Variants in NRAP observed in about 807,000 individuals in gnomAD.
The protein encoded by NRAP is nebulin related anchoring protein.
NRAP carries 189 observed loss-of-function variants against 225.9 expected under a neutral mutation model. That is an observed-to-expected ratio of 0.84 (90% CI 0.74 to 0.94). NRAP has a LOEUF of 0.94. Among genes scored for constraint, NRAP ranks in the 40% least tolerant of loss-of-function variants. The pLI, the probability that NRAP is intolerant of heterozygous loss-of-function variation, is 0.00. For missense variants in NRAP, 2,176 were observed against 2,168.7 expected (o/e 1.00, Z -0.07); for synonymous variants, 769 against 790.7 (o/e 0.97, Z 0.46).
chr10:113,624,299 T>C (rs1383641728), intron 22 of NRAP, among the ~76,000 whole-genome samples: 2 of 152,178 alleles, frequency 1.3e-5, no homozygotes, highest in Non-Finnish European at 2.9e-5. Context: ...GTTGGAACTA[T>C]GGATGCTTTC....
intron 7 of NRAP, among the ~76,000 whole-genome samples, chr10:113,650,797 C>T (rs1159423547): frequency 2.0e-5 from 3 of 152,220 alleles, no homozygotes; most frequent in African/African-American, 7.2e-5. Context: ...TGGTGTGGGC[C>T]AGGCACTGGG....
At chr10:113,628,867 G>T in intron 20 of NRAP, 50 bp downstream of exon 20, 1 of 952,718 alleles carries the variant, frequency 1.0e-6, no homozygotes, top group Non-Finnish European at 1.6e-6. Flanking sequence ...CACCCTGCAT[G>T]TGTCAGGGGC....
Position 113,657,572 on chromosome 10 carries a change from G to T in NRAP, c.258C>A (p.Ile86=). The stretch of plus-strand genomic sequence containing the variant: ...ACTGTTCACCATCTTCTTGGTCATG[G>T]ATCTGCTCAAGGAAGATGTTGTCAG... ...VRTFPEAISG[I]HDQEDGEQCK... Residue 86 remains isoleucine (I), a splice_region_variant and synonymous_variant, in exon 4 of 42, where the codon ATC becomes ATA. Transcript: ENST00000359988. The T allele has an allele frequency of 6.6e-7, 1 of 1,515,480 alleles. No individual in the cohort carries two copies. The highest frequency in any genetic ancestry group is 9.2e-7 in the Non-Finnish European group (1 of 1,090,386). The allele number at this position is 1,515,480 out of a possible 1,614,324, so 93.9% of individuals were successfully genotyped here.
At chr10:113,647,961 C>A (rs1184012284) in intron 9 of NRAP, among the ~76,000 whole-genome samples, 1 of 152,256 alleles carries the variant, frequency 6.6e-6, no homozygotes, top group Non-Finnish European at 1.5e-5. Context: ...CCCTCCCTGG[C>A]AGCCAGATGT....
In NRAP at chr10:113,590,861, T is replaced by C. The variant is rs572120902; in HGVS notation, c.4673A>G (p.Asp1558Gly). 2 of 1,614,056 alleles carry C rather than the reference T, an allele frequency of 1.2e-6. No individual in the cohort carries two copies. The change falls in exon 40 of 42, where the codon GAC (aspartate) becomes GGC (glycine). Residue 1558 changes from aspartate to glycine, a missense_variant. Around this residue, in one of 3 missense-constraint regions of NRAP, gnomAD observed 445 missense variants for 426.1 expected, o/e 1.04. Transcript: ENST00000359988. ...GCGGTACCCGATCTGCAGGCCTCGG[T>C]CCCGCAGGAAAGCCTCTTTGTACCG... is the stretch of plus-strand genomic sequence containing the variant. ...DFRYKEAFLR[D>G]RGLQIGYRSV...
At chr10:113,601,215 G>A (rs562188921) in intron 35 of NRAP, among the ~76,000 whole-genome samples, 2 of 152,338 alleles carry the variant, frequency 1.3e-5, no homozygotes, top group African/African-American at 4.8e-5. Flanking sequence ...CAAGACATGG[G>A]AATGAACCAT....
intron 28 of NRAP, among the ~76,000 whole-genome samples, 171 bp from the exon 29 acceptor site, chr10:113,614,467 A>C (rs560107005): frequency 6.6e-6 from 1 of 152,214 alleles, no homozygotes. Flanking sequence ...AAGACTCCCA[A>C]TGACTAAAGG....
intron 12 of NRAP, 31 bp downstream of exon 12, chr10:113,642,903 C>T (rs754311409): frequency 1.7e-6 from 2 of 1,165,466 alleles, no homozygotes; most frequent in East Asian, 2.3e-5. Context: ...ACCAACAGTG[C>T]CCAAACAAAA....
Position 113,606,396 on chromosome 10 carries a change from T to C in NRAP, c.3703-114A>G, listed in dbSNP as rs766770995. On this transcript the variant is annotated intron_variant, in intron 32 of 41. Transcript: ENST00000359988. ...AAACACAATAGCAAAAAACCGTTCA[T>C]TGTGTCATGGATACATCTCCAGTCT... The C allele has an allele frequency of 7.6e-6, 5 of 661,602 alleles. No homozygotes were observed. In the Admixed American group the frequency reaches 7.8e-5, roughly 10 times the overall value. 41.0% of individuals were successfully genotyped at this position (661,602 alleles called of 1,614,324 possible).
At chr10:113,620,743 C>G (rs1847939826) in intron 24 of NRAP, 35 bp from the exon 25 acceptor site, 1 of 1,406,272 alleles carries the variant, frequency 7.1e-7, no homozygotes, top group East Asian at 2.3e-5. Context: ...AAAAAGCAGG[C>G]CATTGTTGGT....
At chr10:113,612,610 G>A (rs910318806) in intron 29 of NRAP, among the ~76,000 whole-genome samples, 179 bp from the exon 30 acceptor site, 3 of 152,158 alleles carry the variant, frequency 2.0e-5, no homozygotes, top group African/African-American at 7.2e-5. Flanking sequence ...TCTAGGCCCT[G>A]ACACTTACCA....
At chr10:113,590,914 G>A (rs959948000) in intron 39 of NRAP, 25 bp from the exon 40 acceptor site, 1 of 1,602,982 alleles carries the variant, frequency 6.2e-7, no homozygotes, top group Non-Finnish European at 8.5e-7. Flanking sequence ...AGCAGAGGCA[G>A]ATCATGGGTG....
chr10:113,598,141 T>A (rs1846393991), intron 35 of NRAP, 68 bp from the exon 36 acceptor site: 1 of 939,570 alleles, frequency 1.1e-6, no homozygotes, highest in Admixed American at 1.7e-5. Flanking sequence ...TTCAAGAAGA[T>A]CCTTGATTTG....
Position 113,645,953 on chromosome 10 carries a change from A to AAAAC in NRAP, c.994-13_994-12insGTTT. 7.1e-7 allele frequency: 1 copy of AAAAC among 1,417,740 alleles called. No homozygotes were observed. Among genetic ancestry groups the AAAAC allele is most frequent in the Non-Finnish European group, 9.8e-7 (1 of 1,023,904 alleles). 87.8% of individuals were successfully genotyped at this position (1,417,740 alleles called of 1,614,324 possible). ...TGCCTGTATTTTATCTGAAAAAAAA[A>AAAAC]ACACAAAACGGGGCTGGAGTTGATG... On this transcript the variant is annotated splice_polypyrimidine_tract_variant and intron_variant, in intron 10 of 41. Coordinates refer to ENST00000359988, the MANE Select transcript of NRAP (RefSeq NM_198060.4).
chr10:113,594,804 T>A (rs1846193856), intron 38 of NRAP, among the ~76,000 whole-genome samples: 1 of 152,214 alleles, frequency 6.6e-6, no homozygotes, highest in African/African-American at 2.4e-5. Flanking sequence ...CAGCCACCTC[T>A]GGGGTGAACG....
chr10:113,651,555 T>C (rs778409410), intron 7 of NRAP, among the ~76,000 whole-genome samples: 4 of 152,156 alleles, frequency 2.6e-5, no homozygotes, highest in Non-Finnish European at 5.9e-5. Context: ...TGTGTTCTCA[T>C]TGCTCAGCTC....
Position 113,590,686 on chromosome 10 carries a change from C to A in NRAP, c.4848G>T (p.Gln1616His). 6.2e-7 allele frequency: 1 copy of A among 1,614,214 alleles called. No individual in the cohort carries two copies. The highest frequency in any genetic ancestry group is 8.5e-7 in the Non-Finnish European group (1 of 1,180,042). Residue 1616 changes from glutamine (Q) to histidine (H), a missense_variant, in exon 40 of 42, where the codon CAG (glutamine) becomes CAT (histidine). Coordinates refer to ENST00000359988, the MANE Select transcript of NRAP (RefSeq NM_198060.4). ...TGTAGTGCACATCACTGGCCAGCTGCTGGCTCCTCTTGGCCTGAAGGAGGC... is the reference window on the plus strand; with the variant it reads ...TGTAGTGCACATCACTGGCCAGCTGATGGCTCCTCTTGGCCTGAAGGAGGC... ...QPGLLQAKRS[Q>H]QLASDVHYRQ...
At position 113,606,245 on chromosome 10, in the gene NRAP, T is replaced by G. The variant is rs747353754; in HGVS notation, c.3740A>C (p.Glu1247Ala). The change falls in exon 33 of 42, where the codon GAG (glutamate) becomes GCG (alanine). Residue 1247 changes from glutamate to alanine, a missense_variant. By Grantham distance (107) the Glu-to-Ala change is moderately radical. Around this residue, in one of 3 missense-constraint regions of NRAP, gnomAD observed 1,708 missense variants for 1,695.5 expected, o/e 1.01. Coordinates refer to ENST00000359988, the MANE Select transcript of NRAP (RefSeq NM_198060.4). ...GGGCAGACCCAGGGTCATTGTATAC[T>G]CGTGTCTTGCATCCTCTCCAGCTGC... The part of the protein sequence containing the change: ...YKAAGEDARH[E>A]YTMTLGLPEF... The G allele has an allele frequency of 3.1e-6, 5 of 1,614,136 alleles. No individual in the cohort carries two copies.
chr10:113,593,955 G>A (rs976418694), intron 38 of NRAP, among the ~76,000 whole-genome samples: 1 of 152,224 alleles, frequency 6.6e-6, no homozygotes, highest in African/African-American at 2.4e-5. Flanking sequence ...GGTCTCCCGA[G>A]TGTGCAGGCC....
Sources: gnomAD v4.1 joint callset for allele counts (sites outside exome capture counted in the v4.1 genomes callset) on GRCh38, gnomAD v4.1.1 for gene constraint, gnomAD v4.1.1 regional missense constraint, MANE v1.5 for transcripts, NCBI Gene and HGNC (gene_info 2026-07-23, HGNC 2026-07-21) for gene names.